Variants in MKLN1 observed in about 807,000 individuals in gnomAD.
MKLN1 encodes the protein muskelin.
Under a neutral mutation model 99.0 loss-of-function variants are expected in MKLN1, and 18 were observed. That is an observed-to-expected ratio of 0.18 (90% CI 0.13 to 0.27). MKLN1 has a LOEUF of 0.27. MKLN1 is among the 10% of genes least tolerant of loss of function. The pLI is 1.00. For missense variants in MKLN1, 621 were observed against 875.9 expected (o/e 0.71, Z 3.67); for synonymous variants, 288 against 293.2 (o/e 0.98, Z 0.18).
At chr7:131,391,937 C>A (rs1301502936) in intron 4 of MKLN1, among the ~76,000 whole-genome samples, 1 of 152,054 alleles carries the variant, frequency 6.6e-6, no homozygotes, top group East Asian at 1.9e-4. Flanking sequence ...GACAGTTGGC[C>A]TTAGAAAGAA....
chr7:131,166,595 CCTTT>C (rs201221432), intron 2 of MKLN1, among the ~76,000 whole-genome samples: 2,558 of 152,314 alleles, frequency 0.017, 19 homozygotes, highest in Middle Eastern at 0.031. Flanking sequence ...TGTCTTAGGG[CCTTT>C]CTTAGTGTTT....
chr7:131,427,730 A>AT (rs1237375287), intron 8 of MKLN1, among the ~76,000 whole-genome samples: 1 of 151,866 alleles, frequency 6.6e-6, no homozygotes, highest in African/African-American at 2.4e-5. Context: ...ATTTTTTTGT[A>AT]TTTTTAGTAG....
At position 131,487,874 on chromosome 7, in the gene MKLN1, C is replaced by G; in HGVS notation, c.*146C>G. ...GATCTTAACCATCACAAGTTTTTAC[C>G]CTCTTCCTTCATGCCTGACCTCAAC... On this transcript the variant is annotated 3_prime_UTR_variant, in exon 18 of 18. Transcript: ENST00000352689. This position sits in a 1 kb window ranked among gnomAD's most constrained non-coding sequence, Gnocchi z 4.7. The G allele has an allele frequency of 1.1e-6, 1 of 887,468 alleles. No individual in the cohort carries two copies. Among genetic ancestry groups the G allele is most frequent in the African/African-American group, 1.7e-5 (1 of 57,736 alleles). 55.0% of individuals were successfully genotyped at this position (887,468 alleles called of 1,614,324 possible).
At chr7:131,411,079 C>T (rs1794859270) in intron 6 of MKLN1, among the ~76,000 whole-genome samples, 1 of 151,980 alleles carries the variant, frequency 6.6e-6, no homozygotes, top group Non-Finnish European at 1.5e-5. Flanking sequence ...ATGAGCTTCC[C>T]CTAAAGCAAT....
intron 1 of MKLN1, among the ~76,000 whole-genome samples, chr7:131,369,291 G>T (rs1370444490): frequency 6.6e-6 from 1 of 152,116 alleles, no homozygotes; most frequent in Non-Finnish European, 1.5e-5. Context: ...GTACATTTTA[G>T]ATTTTAATAA....
At chr7:131,421,969 G>C (rs780288317) in intron 8 of MKLN1, among the ~76,000 whole-genome samples, 2 of 152,038 alleles carry the variant, frequency 1.3e-5, no homozygotes, top group Non-Finnish European at 2.9e-5. Flanking sequence ...GTGCATATAA[G>C]AATTTTCTTG....
rs113334590 is a variant in MKLN1 at position 131,403,831 on chromosome 7, G to A, written c.703+4398G>A. On this transcript the variant is annotated intron_variant, in intron 6 of 17. Coordinates refer to ENST00000352689, the MANE Select transcript of MKLN1 (RefSeq NM_013255.5). Reference sequence around the variant, plus strand: ...ATAGGTCACTGTAACAGATATGACAGTAATGAAAAAGGTTGAAACATTACG... The same window carrying A: ...ATAGGTCACTGTAACAGATATGACAATAATGAAAAAGGTTGAAACATTACG... 3.6e-3 allele frequency among the ~76,000 whole-genome samples: 550 copies of A among 152,248 alleles called. 2 individuals are homozygous for A. Among genetic ancestry groups the A allele is most frequent in the African/African-American group, 0.013 (523 of 41,556 alleles).
At chr7:131,355,541 G>T (rs1799846905) in intron 1 of MKLN1, among the ~76,000 whole-genome samples, 1 of 150,508 alleles carries the variant, frequency 6.6e-6, no homozygotes. Context: ...GTATTTTATT[G>T]TTGTAATTAG....
chr7:131,297,581 C>T (rs192104580), intron 3 of MKLN1, among the ~76,000 whole-genome samples: 252 of 152,082 alleles, frequency 1.7e-3, no homozygotes, highest in Non-Finnish European at 2.8e-3. Flanking sequence ...ACCACTCCCC[C>T]GAAGTCTACT....
intron 3 of MKLN1, among the ~76,000 whole-genome samples, chr7:131,234,973 G>A (rs1797296906): frequency 6.6e-6 from 1 of 152,264 alleles, no homozygotes; most frequent in South Asian, 2.1e-4. Context: ...ATTATCTCCA[G>A]TAGGGAACCT....
At chr7:131,196,776 A>G (rs1796651847) in intron 2 of MKLN1, among the ~76,000 whole-genome samples, 1 of 152,090 alleles carries the variant, frequency 6.6e-6, no homozygotes, top group Admixed American at 6.6e-5. Flanking sequence ...TCTTTTCTCT[A>G]TACAATTTAG....
intron 6 of MKLN1, among the ~76,000 whole-genome samples, chr7:131,405,327 C>A (rs1794667984): frequency 6.6e-6 from 1 of 151,382 alleles, no homozygotes; most frequent in South Asian, 2.1e-4. Context: ...TCTTGAGATG[C>A]CCCTTTTTTG....
intron 12 of MKLN1, among the ~76,000 whole-genome samples, chr7:131,461,256 G>GT (rs35970015): frequency 0.53 from 77,011 of 145,832 alleles, 20,352 homozygotes; most frequent in East Asian, 0.67. Flanking sequence ...TTTGTTTGCG[G>GT]TTTTTTTTTT....
At chr7:131,169,417 G>C (rs900520685) in intron 2 of MKLN1, among the ~76,000 whole-genome samples, 5 of 152,086 alleles carry the variant, frequency 3.3e-5, no homozygotes, top group Non-Finnish European at 7.4e-5. Flanking sequence ...ACAGTGTCTC[G>C]ATAACTATTT....
intron 1 of MKLN1, among the ~76,000 whole-genome samples, chr7:131,122,971 C>G (rs575110932): frequency 8.2e-6 from 1 of 122,612 alleles, no homozygotes. Flanking sequence ...TGCAGTGAGC[C>G]GAGATAGCGC....
intron 1 of MKLN1, among the ~76,000 whole-genome samples, chr7:131,350,939 T>G (rs1246154931): frequency 1.3e-5 from 2 of 152,220 alleles, no homozygotes; most frequent in Admixed American, 6.5e-5. Flanking sequence ...ACTTAACAGA[T>G]TTAGCAGTAA....
intron 3 of MKLN1, among the ~76,000 whole-genome samples, chr7:131,282,751 C>T (rs895852645): frequency 2.6e-5 from 4 of 152,084 alleles, no homozygotes. Flanking sequence ...TCAAACCTGG[C>T]GATCATCAGA....
intron 3 of MKLN1, among the ~76,000 whole-genome samples, chr7:131,259,779 T>A (rs1277420933): frequency 6.6e-6 from 1 of 152,158 alleles, no homozygotes; most frequent in Non-Finnish European, 1.5e-5. Context: ...TCACCACTAT[T>A]TCCAGAACTT....
chr7:131,289,236 G>A (rs1194739337), intron 3 of MKLN1, among the ~76,000 whole-genome samples: 7 of 152,208 alleles, frequency 4.6e-5, no homozygotes, highest in South Asian at 2.1e-4. Flanking sequence ...AAATTGTTAC[G>A]TAATTTGGTG....
Sources: allele counts gnomAD v4.1 joint callset (sites outside exome capture counted in the v4.1 genomes callset), GRCh38; gene constraint gnomAD v4.1.1; non-coding constraint Gnocchi (gnomAD v3.1); transcripts MANE v1.5; gene names NCBI Gene and HGNC (gene_info 2026-07-23, HGNC 2026-07-21).